The following ACYP2 variants were observed in gnomAD, a reference collection of about 807,000 sequenced individuals.
ACYP2 encodes the protein acylphosphatase-2.
Under a neutral mutation model 11.2 loss-of-function variants are expected in ACYP2, and 12 were observed. The observed-to-expected ratio is 1.08, with a 90% CI of 0.69 to 1.74. The LOEUF (loss-of-function observed/expected upper bound fraction) is 1.74, where lower values mean the gene tolerates loss of function less well. Among genes scored for constraint, ACYP2 ranks in the 40% most tolerant of loss-of-function variants. ACYP2 has a pLI of 0.00. For missense variants in ACYP2, 134 were observed against 101.9 expected (o/e 1.31, Z -1.35); for synonymous variants, 43 against 32.2 (o/e 1.33, Z -1.13).
intron 6 of ACYP2, among the ~76,000 whole-genome samples, chr2:54,189,634 A>G (rs963136864): frequency 1.3e-5 from 2 of 152,076 alleles, no homozygotes; most frequent in African/African-American, 2.4e-5. Flanking sequence ...TTGTTTCTCT[A>G]TCTTGGCTAT....
intron 6 of ACYP2, among the ~76,000 whole-genome samples, chr2:54,226,460 T>C (rs1440583044): frequency 1.3e-5 from 2 of 149,660 alleles, no homozygotes; most frequent in Non-Finnish European, 2.9e-5. Context: ...AATGTGTTGA[T>C]GTCAGGAAAA....
intron 4 of ACYP2, chr2:54,065,662 G>A (rs755430436): frequency 3.5e-5 from 14 of 395,626 alleles, no homozygotes; most frequent in African/African-American, 2.1e-4. Flanking sequence ...CATCTGTCAC[G>A]CATGGGCTTT....
chr2:54,201,600 C>CTTTCTTTCTT (rs1247828917), intron 6 of ACYP2, among the ~76,000 whole-genome samples: 1 of 88,510 alleles, frequency 1.1e-5, no homozygotes, highest in African/African-American at 4.3e-5. Context: ...CTTTCTCTTT[C>CTTTCTTTCTT]TTTCTTTCTT....
chr2:54,037,498 C>T (rs1458339239), intron 2 of ACYP2, among the ~76,000 whole-genome samples: 1 of 152,070 alleles, frequency 6.6e-6, no homozygotes, highest in Non-Finnish European at 1.5e-5. Flanking sequence ...GCAGCCTCAA[C>T]CTCCTAGGCT....
chr2:54,164,797 C>A (rs943000814), intron 6 of ACYP2, among the ~76,000 whole-genome samples: 2 of 152,214 alleles, frequency 1.3e-5, no homozygotes, highest in East Asian at 1.9e-4. Context: ...CACCTATCAA[C>A]TTATCATCTA....
intron 6 of ACYP2, among the ~76,000 whole-genome samples, chr2:54,300,484 T>C (rs372288879): frequency 1.3e-5 from 2 of 152,220 alleles, no homozygotes; most frequent in East Asian, 3.8e-4. Flanking sequence ...GTGGGGAATA[T>C]AAAGACCAGC....
intron 2 of ACYP2, among the ~76,000 whole-genome samples, chr2:54,007,762 G>A (rs923667964): frequency 1.3e-5 from 2 of 152,160 alleles, no homozygotes; most frequent in Non-Finnish European, 2.9e-5. Flanking sequence ...CTACTCAGGA[G>A]GCTGAGGCAG....
intron 6 of ACYP2, among the ~76,000 whole-genome samples, chr2:54,188,943 G>T (rs1367137191): frequency 2.0e-5 from 3 of 152,126 alleles, no homozygotes; most frequent in Non-Finnish European, 2.9e-5. Context: ...TAGCCCACCT[G>T]CCTACCCAAG....
At chr2:54,038,734 C>A (rs1338713521) in intron 2 of ACYP2, among the ~76,000 whole-genome samples, 2 of 112,006 alleles carry the variant, frequency 1.8e-5, no homozygotes, top group Non-Finnish European at 3.5e-5. Context: ...TGCTAAGATA[C>A]AGCAATGAAA....
chr2:54,174,999 T>C (rs1230456107), intron 6 of ACYP2, among the ~76,000 whole-genome samples: 5 of 152,170 alleles, frequency 3.3e-5, no homozygotes, highest in Non-Finnish European at 5.9e-5. Context: ...TCTTTTTTTG[T>C]TGTGTCTCTG....
intron 4 of ACYP2, among the ~76,000 whole-genome samples, chr2:54,103,405 C>T (rs1679002797): frequency 6.6e-6 from 1 of 152,214 alleles, no homozygotes. Context: ...GTGTTCCTAA[C>T]ATCTTAACCT....
chr2:54,281,938 A>G (rs10199945), intron 6 of ACYP2, among the ~76,000 whole-genome samples: 1 of 152,118 alleles, frequency 6.6e-6, no homozygotes, highest in African/African-American at 2.4e-5. Flanking sequence ...CAAGCAACAC[A>G]GTTAGCAAGC....
intron 6 of ACYP2, among the ~76,000 whole-genome samples, chr2:54,166,671 C>T (rs1197653672): frequency 1.3e-5 from 2 of 152,146 alleles, no homozygotes; most frequent in African/African-American, 4.8e-5. Flanking sequence ...TGCTTGAGTT[C>T]GATGCCAAGA....
intron 2 of ACYP2, among the ~76,000 whole-genome samples, chr2:54,048,709 C>T (rs1301726903): frequency 6.6e-6 from 1 of 152,276 alleles, no homozygotes; most frequent in Middle Eastern, 3.4e-3. Flanking sequence ...AATGCATTCA[C>T]ATATATGGCA....
intron 2 of ACYP2, among the ~76,000 whole-genome samples, chr2:54,040,601 G>T (rs1433541535): frequency 6.6e-6 from 1 of 152,166 alleles, no homozygotes; most frequent in African/African-American, 2.4e-5. Context: ...ATAATGAGCA[G>T]CCAGAGAAAT....
chr2:54,071,411 A>G (rs1275420973), intron 4 of ACYP2, among the ~76,000 whole-genome samples: 1 of 152,038 alleles, frequency 6.6e-6, no homozygotes, highest in Non-Finnish European at 1.5e-5. Flanking sequence ...AAACTCTTAG[A>G]GCTAATAAAC....
chr2:54,013,978 T>C (rs2104539301), intron 2 of ACYP2, among the ~76,000 whole-genome samples: 1 of 152,070 alleles, frequency 6.6e-6, no homozygotes, highest in East Asian at 1.9e-4. Context: ...GCCAACGTGG[T>C]GAAGCCCCTT....
At chr2:54,071,836 C>T (rs1677062749) in intron 4 of ACYP2, among the ~76,000 whole-genome samples, 1 of 152,064 alleles carries the variant, frequency 6.6e-6, no homozygotes, top group Admixed American at 6.6e-5. Context: ...CATGACAAAA[C>T]CCCATCTGTA....
At chr2:54,023,966 C>A (rs577147364) in intron 2 of ACYP2, among the ~76,000 whole-genome samples, 1 of 152,176 alleles carries the variant, frequency 6.6e-6, no homozygotes, top group East Asian at 1.9e-4. Context: ...ACACTAAAAC[C>A]CAAACCAGGA....
Sources: allele counts gnomAD v4.1 joint callset (sites outside exome capture counted in the v4.1 genomes callset), GRCh38; gene constraint gnomAD v4.1.1; transcripts MANE v1.5; gene names NCBI Gene and HGNC (gene_info 2026-07-23, HGNC 2026-07-21).